VWF: variants seen among roughly 807,000 people sequenced by gnomAD.
VWF encodes the protein von Willebrand factor.
Under a neutral mutation model 308.6 loss-of-function variants are expected in VWF, and 176 were observed. That is an observed-to-expected ratio of 0.57 (90% CI 0.50 to 0.65). The LOEUF is 0.65. Among genes scored for constraint, VWF ranks in the 30% least tolerant of loss-of-function variants. The pLI, the probability that VWF is intolerant of heterozygous loss-of-function variation, is 0.00. For synonymous variants in VWF, 1,385 were observed against 1,443.4 expected, an observed-to-expected ratio of 0.96 and a Z score of 0.92; for missense variants, 3,146 against 3,648.2, an observed-to-expected ratio of 0.86 and a Z score of 3.55.
At position 5,990,889 on chromosome 12, in the gene VWF, AAAAAAAAAAAAAAAAAAAAT is replaced by A. The variant is rs1208336193; in HGVS notation, c.6798+910_6798+929del. ...GAGCTAAAAAAAAAAAAAAAAAAAA[AAAAAAAAAAAAAAAAAAAAT>A]TTTGATGACTCAGTGACTCCCAAGC... On this transcript the variant is annotated intron_variant, in intron 38 of 51. Transcript: ENST00000261405. 2.5e-4 allele frequency among the ~76,000 whole-genome samples: 35 copies of A among 138,400 alleles called. 3 individuals carry two copies. The highest frequency in any genetic ancestry group is 8.9e-4 in the East Asian group (4 of 4,492). 90.8% of individuals were successfully genotyped at this position (138,400 alleles called of 152,430 possible). A position where few individuals can be genotyped will look rare whatever the true frequency, so the allele number is the denominator to read the frequency against.
chr12:5,998,712 T>G lies in VWF; in HGVS notation c.5843-2490A>C, dbSNP rs553983184. Among the ~76,000 whole-genome samples, 4 of 151,808 alleles carry G rather than the reference T, an allele frequency of 2.6e-5. No homozygotes were observed. The South Asian group carries it at 8.3e-4, about 31-fold the overall frequency. On this transcript the variant is annotated intron_variant, in intron 34 of 51. Coordinates refer to ENST00000261405, the MANE Select transcript of VWF (RefSeq NM_000552.5). Reference sequence around the variant, plus strand: ...AGAAAACAAGAAAATACCCAAATTTTATTTATTTTTATTTTTATTTTTATT... The same window carrying G: ...AGAAAACAAGAAAATACCCAAATTTGATTTATTTTTATTTTTATTTTTATT...
intron 34 of VWF, 66 bp from the exon 35 acceptor site, chr12:5,996,288 C>G (rs545610422): frequency 1.3e-6 from 2 of 1,487,662 alleles, no homozygotes; most frequent in South Asian, 2.4e-5. Flanking sequence ...TACATGCAGA[C>G]AGGCAGGTGT....
chr12:6,109,452 T>C (rs571375371), intron 5 of VWF, among the ~76,000 whole-genome samples: 1 of 152,162 alleles, frequency 6.6e-6, no homozygotes, highest in African/African-American at 2.4e-5. Context: ...AAATAAACTA[T>C]CATGCTATTT....
rs547459444 is a variant in VWF at position 6,121,912 on chromosome 12, C to G, written c.56-574G>C. 2.0e-5 allele frequency among the ~76,000 whole-genome samples: 3 copies of G among 151,168 alleles called. No homozygotes were observed. The South Asian group carries it at 6.3e-4, about 32-fold the overall frequency. ...TACCACTGCACTCTAGACTGGGCGACAGAGTGAGACTCTGTCTCGAAAAAA... is the reference window on the plus strand; with the variant it reads ...TACCACTGCACTCTAGACTGGGCGAGAGAGTGAGACTCTGTCTCGAAAAAA... On this transcript the variant is annotated intron_variant, in intron 2 of 51. Coordinates refer to ENST00000261405, the MANE Select transcript of VWF (RefSeq NM_000552.5).
rs1275182323 is a variant in VWF, at chr12:6,018,560, G to A, written c.4858C>T (p.Pro1620Ser). 2 of 1,614,020 alleles carry A rather than the reference G, an allele frequency of 1.2e-6. No individual in the cohort carries two copies. Among genetic ancestry groups the A allele is most frequent in the Non-Finnish European group, 1.7e-6 (2 of 1,179,894 alleles). The change falls in exon 28 of 52, where the codon CCT (proline) becomes TCT (serine). Residue 1620 changes from proline to serine, a missense_variant. Around this residue, in one of 3 missense-constraint regions of VWF, gnomAD observed 853 missense variants for 1,177.8 expected, o/e 0.72. Coordinates refer to ENST00000261405, the MANE Select transcript of VWF (RefSeq NM_000552.5). ...NPASDEIKRL[P>S]GDIQVVPIGV... ...ATGGGCACCACCTGGATGTCTCCAG[G>A]CAGCCTCTTGATCTCATCAGAGGCA...
chr12:6,103,425 TACACACGTGTGTATATAC>T (rs1945198961), intron 5 of VWF, among the ~76,000 whole-genome samples: 11 of 118,184 alleles, frequency 9.3e-5, no homozygotes, highest in African/African-American at 3.1e-4. Context: ...CGTGTGTGTA[TACACACGTGTGTATATAC>T]ATACACATAT....
rs1331687538 is a variant in VWF at position 6,075,584 on chromosome 12, TC to T, written c.658-34del. ...AAGAGGGGCCGCCTCAGCGGTATGC[TC>T]CGTTAGTGTCTCCCTGAGTGTGGCA... On this transcript the variant is annotated intron_variant, in intron 6 of 51. Coordinates refer to ENST00000261405, the MANE Select transcript of VWF (RefSeq NM_000552.5). This position sits in a 1 kb window ranked among gnomAD's most constrained non-coding sequence, Gnocchi z 4.7. 3.1e-6 allele frequency: 5 copies of T among 1,595,448 alleles called. No homozygotes were observed. Among genetic ancestry groups the T allele is most frequent in the Non-Finnish European group, 2.6e-6 (3 of 1,170,578 alleles).
rs148218885 is a variant in VWF at position 6,110,488 on chromosome 12, T to A, written c.418A>T (p.Ile140Phe). 6.2e-7 allele frequency: 1 copy of A among 1,614,006 alleles called. No individual in the cohort carries two copies. The highest frequency in any genetic ancestry group is 8.5e-7 in the Non-Finnish European group (1 of 1,180,032). Residue 140 changes from isoleucine to phenylalanine, a missense_variant, in exon 5 of 52, where the codon ATC (isoleucine) becomes TTC (phenylalanine). Physicochemically the swap from Ile to Phe is conservative, Grantham distance 21 (BLOSUM62 0). Around this residue, in one of 3 missense-constraint regions of VWF, gnomAD observed 1,304 missense variants for 1,353.0 expected, o/e 0.96. Transcript: ENST00000261405. ...SGEAYGFVAR[I>F]DGSGNFQVLL... ...ACTTGAAAGTTGCCGCTGCCATCGATCCTGGCCACAAAGCCATAGGCCTCA... is the reference window on the plus strand; with the variant it reads ...ACTTGAAAGTTGCCGCTGCCATCGAACCTGGCCACAAAGCCATAGGCCTCA...
intron 47 of VWF, 43 bp downstream of exon 47, chr12:5,967,443 C>A (rs762917566): frequency 1.3e-6 from 2 of 1,556,072 alleles, no homozygotes; most frequent in Non-Finnish European, 1.8e-6. Flanking sequence ...GGGTCCCACA[C>A]GCGTCCAGTC....
At chr12:6,016,894 A>G (rs1944067538) in intron 28 of VWF, 24 bp from the exon 29 acceptor site, 1 of 1,611,532 alleles carries the variant, frequency 6.2e-7, no homozygotes, top group African/African-American at 1.3e-5. Context: ...CAGGAAGGTG[A>G]GCACACAGGT....
At chr12:5,995,763 A>G (rs772333926) in intron 35 of VWF, among the ~76,000 whole-genome samples, 4 of 152,134 alleles carry the variant, frequency 2.6e-5, no homozygotes, top group Non-Finnish European at 5.9e-5. Context: ...TAAATTCACA[A>G]TTTTATGCTA....
At chr12:6,082,536 CTACA>C (rs1267929168) in intron 6 of VWF, among the ~76,000 whole-genome samples, 3 of 152,220 alleles carry the variant, frequency 2.0e-5, no homozygotes, top group African/African-American at 7.2e-5. Context: ...AGGTTTCTCC[CTACA>C]TAATGAACTG....
chr12:5,996,570 G>C (rs1252456872), intron 34 of VWF, among the ~76,000 whole-genome samples: 1 of 152,040 alleles, frequency 6.6e-6, no homozygotes. Context: ...AGTTCCAGGG[G>C]TGTTATGACT....
rs375598089 is a variant in VWF at position 6,019,795 on chromosome 12, C to T, written c.3675-52G>A. The T allele has an allele frequency of 1.8e-5, 28 of 1,548,194 alleles. No individual in the cohort carries two copies. The highest frequency in any genetic ancestry group is 2.3e-5 in the Non-Finnish European group (26 of 1,144,726). The stretch of plus-strand genomic sequence containing the variant: ...ATGGTTCAGGAAGAACCTGTGGACA[C>T]TTCTGAGCCCTACAGTGTACAATGA... On this transcript the variant is annotated intron_variant, in intron 27 of 51. Coordinates refer to ENST00000261405, the MANE Select transcript of VWF (RefSeq NM_000552.5). The surrounding 1 kb of genome is among the most constrained non-coding windows in gnomAD (Gnocchi z 5.8).
intron 3 of VWF, among the ~76,000 whole-genome samples, chr12:6,113,425 G>C (rs191222271): frequency 1.3e-5 from 2 of 151,708 alleles, no homozygotes; most frequent in African/African-American, 2.4e-5. Context: ...AGCCTCCCGA[G>C]TAGCTGGGAC....
chr12:6,043,768 A>G (rs2136439730), intron 18 of VWF, among the ~76,000 whole-genome samples: 1 of 152,354 alleles, frequency 6.6e-6, no homozygotes, highest in South Asian at 2.1e-4. Context: ...CCAAGACCTC[A>G]CGACTCACAT....
chr12:5,984,013 TAGATAGAC>T (rs1243919581), intron 40 of VWF, among the ~76,000 whole-genome samples: 9,076 of 137,082 alleles, frequency 0.066, 487 homozygotes, highest in African/African-American at 0.16. Context: ...GATAGATAGA[TAGATAGAC>T]AGACAGACAG....
At chr12:5,976,688 G>C (rs542230007) in intron 42 of VWF, among the ~76,000 whole-genome samples, 1 of 152,182 alleles carries the variant, frequency 6.6e-6, no homozygotes, top group East Asian at 1.9e-4. Flanking sequence ...ATTGGGCAGG[G>C]GCTATGAATG....
At chr12:6,092,536 C>G (rs1330334311) in intron 6 of VWF, among the ~76,000 whole-genome samples, 1 of 125,420 alleles carries the variant, frequency 8.0e-6, no homozygotes. Flanking sequence ...TGTGTGTGTG[C>G]ACGCGCGTGT....
Sources: gnomAD v4.1 joint callset for allele counts (sites outside exome capture counted in the v4.1 genomes callset) on GRCh38, gnomAD v4.1.1 for gene constraint, gnomAD v4.1.1 regional missense constraint, Gnocchi (gnomAD v3.1) non-coding constraint, MANE v1.5 for transcripts, NCBI Gene and HGNC (gene_info 2026-07-23, HGNC 2026-07-21) for gene names.